Variants in PALLD observed in about 807,000 individuals in gnomAD.
PALLD encodes the protein palladin.
A neutral mutation model predicts 123.5 loss-of-function variants in PALLD; 61 were observed. The observed-to-expected ratio is 0.49, with a 90% confidence interval of 0.40 to 0.61. The LOEUF (loss-of-function observed/expected upper bound fraction) is 0.61, where lower values mean the gene tolerates loss of function less well. Among genes scored for constraint, PALLD ranks in the 20% least tolerant of loss-of-function variants. PALLD has a pLI of 0.00. For missense variants in PALLD, 1,273 were observed against 1,377.0 expected, an observed-to-expected ratio of 0.92 and a Z score of 1.20; for synonymous variants, 465 against 496.4, an observed-to-expected ratio of 0.94 and a Z score of 0.84.
At chr4:168,740,020 A>G (rs1330754830) in intron 10 of PALLD, among the ~76,000 whole-genome samples, 1 of 152,204 alleles carries the variant, frequency 6.6e-6, no homozygotes, top group Non-Finnish European at 1.5e-5. Context: ...AACAGGCAGC[A>G]TGATAATTCA....
intron 15 of PALLD, among the ~76,000 whole-genome samples, chr4:168,907,720 C>T (rs1758099621): frequency 6.6e-6 from 1 of 152,154 alleles, no homozygotes; most frequent in Admixed American, 6.5e-5. Flanking sequence ...TTGCTCTACC[C>T]TTTGGAGAGA....
chr4:168,709,428 TGAA>T (rs1784513048), intron 9 of PALLD, among the ~76,000 whole-genome samples: 1 of 150,502 alleles, frequency 6.6e-6, no homozygotes, highest in Admixed American at 6.7e-5. Flanking sequence ...GAGAATCACT[TGAA>T]CCCAGAAGGT....
chr4:168,805,082 C>T (rs1378319402), intron 10 of PALLD, among the ~76,000 whole-genome samples: 2 of 151,728 alleles, frequency 1.3e-5, no homozygotes, highest in Non-Finnish European at 2.9e-5. Flanking sequence ...CGTTTAAACC[C>T]GGGAGACGGA....
chr4:168,551,785 C>A (rs1421352879), intron 2 of PALLD, among the ~76,000 whole-genome samples: 1 of 151,994 alleles, frequency 6.6e-6, no homozygotes, highest in East Asian at 1.9e-4. Flanking sequence ...AAGGACAACT[C>A]TCCACTAAAT....
chr4:168,642,550 C>T (rs776980054), intron 2 of PALLD, among the ~76,000 whole-genome samples: 20 of 152,102 alleles, frequency 1.3e-4, no homozygotes, highest in East Asian at 1.2e-3. Context: ...TATAGGCGCC[C>T]GCCACCACGC....
intron 10 of PALLD, among the ~76,000 whole-genome samples, chr4:168,856,475 G>GC (rs1748624305): frequency 6.6e-6 from 1 of 152,136 alleles, no homozygotes; most frequent in South Asian, 2.1e-4. Flanking sequence ...CAATGTATAA[G>GC]CATTCCCTTT....
intron 2 of PALLD, among the ~76,000 whole-genome samples, chr4:168,572,271 A>G (rs915142428): frequency 6.6e-6 from 1 of 152,046 alleles, no homozygotes; most frequent in African/African-American, 2.4e-5. Flanking sequence ...TGGTCCAGGT[A>G]CTCTATAAAT....
At chr4:168,872,723 C>A (rs1185300128) in intron 10 of PALLD, among the ~76,000 whole-genome samples, 1 of 149,626 alleles carries the variant, frequency 6.7e-6, no homozygotes, top group Non-Finnish European at 1.5e-5. Context: ...GATTTATATA[C>A]CTTTTCCTAA....
At chr4:168,694,373 T>C (rs1470827280) in intron 8 of PALLD, among the ~76,000 whole-genome samples, 1 of 152,178 alleles carries the variant, frequency 6.6e-6, no homozygotes, top group African/African-American at 2.4e-5. Context: ...CTGTTTTTAT[T>C]ACTGTCTCTT....
At chr4:168,877,562 T>A (rs564395206) in intron 10 of PALLD, among the ~76,000 whole-genome samples, 6 of 152,222 alleles carry the variant, frequency 3.9e-5, no homozygotes, top group Non-Finnish European at 8.8e-5. Context: ...CAGAATGAAC[T>A]GCTGGCCCCA....
At chr4:168,922,100 TATACACACACACACACACACACACAC>T (rs1401790857) in intron 18 of PALLD, among the ~76,000 whole-genome samples, 2 of 96,632 alleles carry the variant, frequency 2.1e-5, no homozygotes, top group African/African-American at 3.6e-5. Flanking sequence ...TATATATATA[TATACACACACACACACACACACACAC>T]ACACACACAC....
intron 10 of PALLD, among the ~76,000 whole-genome samples, chr4:168,823,274 C>T (rs1253184254): frequency 6.6e-6 from 1 of 152,134 alleles, no homozygotes; most frequent in Non-Finnish European, 1.5e-5. Context: ...CTTCACGGAA[C>T]CATAGCTGGC....
chr4:168,653,584 C>T (rs555657494), intron 2 of PALLD, among the ~76,000 whole-genome samples: 5 of 152,190 alleles, frequency 3.3e-5, no homozygotes, highest in Admixed American at 6.5e-5. Context: ...TCTAGCTCTT[C>T]GGCTATACAC....
At chr4:168,764,277 G>A (rs1305638583) in intron 10 of PALLD, among the ~76,000 whole-genome samples, 2 of 151,884 alleles carry the variant, frequency 1.3e-5, no homozygotes. Flanking sequence ...TTTAATACAG[G>A]ACCAATTTCT....
intron 2 of PALLD, among the ~76,000 whole-genome samples, chr4:168,629,770 A>G (rs1046319124): frequency 6.6e-6 from 1 of 152,184 alleles, no homozygotes; most frequent in Non-Finnish European, 1.5e-5. Flanking sequence ...GGCACATCAC[A>G]GAAACTAATG....
intron 2 of PALLD, among the ~76,000 whole-genome samples, chr4:168,588,085 C>A (rs1005577180): frequency 6.6e-6 from 1 of 151,976 alleles, no homozygotes; most frequent in African/African-American, 2.4e-5. Flanking sequence ...CTCGATGGGG[C>A]CTGGGAATGT....
At chr4:168,739,824 G>A (rs1788151555) in intron 10 of PALLD, among the ~76,000 whole-genome samples, 1 of 152,120 alleles carries the variant, frequency 6.6e-6, no homozygotes, top group Admixed American at 6.6e-5. Context: ...CAAGATAAGG[G>A]TACCTATTTA....
At chr4:168,861,015 G>A (rs1749376039) in intron 10 of PALLD, among the ~76,000 whole-genome samples, 1 of 152,134 alleles carries the variant, frequency 6.6e-6, no homozygotes, top group African/African-American at 2.4e-5. Context: ...CTTTCCCCCA[G>A]GATACCACAG....
At chr4:168,690,537 T>C (rs1782520876) in intron 6 of PALLD, 66 bp from the exon 7 acceptor site, 2 of 1,591,856 alleles carry the variant, frequency 1.3e-6, no homozygotes, top group Admixed American at 1.7e-5. Context: ...TTATTCTGTG[T>C]TGTGAAATTG....
Sources: allele counts gnomAD v4.1 joint callset (sites outside exome capture counted in the v4.1 genomes callset), GRCh38; gene constraint gnomAD v4.1.1; transcripts MANE v1.5; gene names NCBI Gene and HGNC (gene_info 2026-07-23, HGNC 2026-07-21).